Variants in BICD1 observed in about 807,000 individuals in gnomAD.
BICD1 encodes protein bicaudal D homolog 1.
BICD1 carries 35 observed loss-of-function variants against 92.5 expected under a neutral mutation model. That is an observed-to-expected ratio of 0.38 (90% CI 0.29 to 0.50). The LOEUF (loss-of-function observed/expected upper bound fraction) is 0.50, where lower values mean the gene tolerates loss of function less well. BICD1 is among the 20% of genes least tolerant of loss of function. BICD1 has a pLI of 0.93. For missense variants in BICD1, 950 were observed against 1,189.8 expected (o/e 0.80, Z 2.97); for synonymous variants, 429 against 465.1 (o/e 0.92, Z 1.00).
intron 2 of BICD1, among the ~76,000 whole-genome samples, chr12:32,220,500 C>T (rs1011812502): frequency 6.6e-5 from 10 of 151,554 alleles, no homozygotes; most frequent in Admixed American, 2.6e-4. Context: ...AAAATGCTCA[C>T]CATCACTGGC....
chr12:32,247,466 GA>G (rs1295577431), intron 2 of BICD1, among the ~76,000 whole-genome samples: 9 of 152,008 alleles, frequency 5.9e-5, no homozygotes, highest in African/African-American at 2.2e-4. Flanking sequence ...AGCAGGTAGA[GA>G]AAAGGAGAAA....
intron 2 of BICD1, among the ~76,000 whole-genome samples, chr12:32,290,219 A>G (rs564382357): frequency 4.1e-5 from 5 of 123,346 alleles, no homozygotes; most frequent in Non-Finnish European, 9.0e-5. Flanking sequence ...ATTAGTTTGT[A>G]TAGCTTCAGC....
chr12:32,309,492 C>T (rs962046558), intron 4 of BICD1, among the ~76,000 whole-genome samples: 2 of 152,302 alleles, frequency 1.3e-5, no homozygotes, highest in Non-Finnish European at 2.9e-5. Flanking sequence ...ATTAACATTT[C>T]TGCAGTGAAA....
intron 1 of BICD1, among the ~76,000 whole-genome samples, chr12:32,166,997 A>G (rs903566602): frequency 6.6e-6 from 1 of 152,236 alleles, no homozygotes; most frequent in Non-Finnish European, 1.5e-5. Context: ...CAATGTTTGC[A>G]TTGGTTATCC....
rs534541388 is a variant in BICD1 at position 32,337,427 on chromosome 12, A to C, written c.2253-72A>C. 9.1e-6 allele frequency: 13 copies of C among 1,424,012 alleles called. No homozygotes were observed. The highest frequency in any genetic ancestry group is 1.2e-5 in the Non-Finnish European group (13 of 1,040,862). 88.2% of individuals were successfully genotyped at this position (1,424,012 alleles called of 1,614,324 possible). A position where few individuals can be genotyped will look rare whatever the true frequency, so the allele number is the denominator to read the frequency against. ...TTTCTAAATTTCGGTCAAATTTATT[A>C]CTTTTCAGCTTAACTCCCAAATTCA... On this transcript the variant is annotated intron_variant, in intron 6 of 9. Coordinates refer to ENST00000652176, the MANE Select transcript of BICD1 (RefSeq NM_001714.4). This position sits in a 1 kb window ranked among gnomAD's most constrained non-coding sequence, Gnocchi z 4.7.
intron 1 of BICD1, among the ~76,000 whole-genome samples, chr12:32,161,649 G>A (rs1178437131): frequency 1.2e-4 from 19 of 152,200 alleles, no homozygotes; most frequent in Admixed American, 1.2e-3. Flanking sequence ...TGTAATGGAA[G>A]CAGGCAGAAC....
chr12:32,161,560 A>T (rs2121496871), intron 1 of BICD1, among the ~76,000 whole-genome samples: 1 of 152,346 alleles, frequency 6.6e-6, no homozygotes, highest in East Asian at 1.9e-4. Context: ...GAAGGTTAAG[A>T]TCAATAAAGT....
intron 1 of BICD1, among the ~76,000 whole-genome samples, chr12:32,180,212 G>T (rs1027149598): frequency 4.0e-5 from 6 of 151,814 alleles, no homozygotes; most frequent in Middle Eastern, 3.2e-3. Flanking sequence ...AATCAGCTCT[G>T]CGACTCCTCT....
At chr12:32,375,729 C>T (rs1188773803) in intron 9 of BICD1, among the ~76,000 whole-genome samples, 2 of 152,090 alleles carry the variant, frequency 1.3e-5, no homozygotes, top group African/African-American at 4.8e-5. Context: ...GAAAGAATAA[C>T]CTCAAGCCAG....
At chr12:32,263,260 AAG>A in intron 2 of BICD1, among the ~76,000 whole-genome samples, 1 of 152,166 alleles carries the variant, frequency 6.6e-6, no homozygotes, top group Non-Finnish European at 1.5e-5. Flanking sequence ...ATTTTAAAAT[AAG>A]AAAAGGCCAG....
intron 1 of BICD1, among the ~76,000 whole-genome samples, chr12:32,146,810 C>CCTCT (rs2121405333): frequency 1.7e-4 from 1 of 5,910 alleles, no homozygotes; most frequent in South Asian, 6.3e-3. Flanking sequence ...TTCCTCCTTT[C>CCTCT]CTCCCTCCCT....
At chr12:32,131,238 T>G (rs1243607151) in intron 1 of BICD1, among the ~76,000 whole-genome samples, 1 of 152,198 alleles carries the variant, frequency 6.6e-6, no homozygotes, top group Admixed American at 6.5e-5. Flanking sequence ...GGTTTGAACT[T>G]TGGATTTAGT....
At chr12:32,360,101 T>C (rs1165670190) in intron 8 of BICD1, among the ~76,000 whole-genome samples, 1 of 151,020 alleles carries the variant, frequency 6.6e-6, no homozygotes, top group Non-Finnish European at 1.5e-5. Context: ...AGGAGAATGG[T>C]GTGAACCCAG....
intron 2 of BICD1, among the ~76,000 whole-genome samples, chr12:32,243,287 TA>T (rs1261633139): frequency 1.7e-4 from 23 of 131,870 alleles, no homozygotes; most frequent in African/African-American, 6.0e-4. Context: ...TTTTTTTTTG[TA>T]TTTTTGGTAG....
At chr12:32,159,483 C>G (rs919324128) in intron 1 of BICD1, among the ~76,000 whole-genome samples, 4 of 152,164 alleles carry the variant, frequency 2.6e-5, no homozygotes, top group African/African-American at 9.7e-5. Flanking sequence ...TCAGGCATCA[C>G]TATAATAGCA....
At chr12:32,180,512 T>C (rs1944240471) in intron 1 of BICD1, among the ~76,000 whole-genome samples, 1 of 151,990 alleles carries the variant, frequency 6.6e-6, no homozygotes, top group Admixed American at 6.6e-5. Flanking sequence ...GTCCCTTGGC[T>C]GTCTTCATTG....
chr12:32,206,654 T>G (rs1945066438), intron 1 of BICD1, among the ~76,000 whole-genome samples: 1 of 152,170 alleles, frequency 6.6e-6, no homozygotes, highest in Non-Finnish European at 1.5e-5. Flanking sequence ...AAATGTATTT[T>G]GAAAAGTACT....
intron 1 of BICD1, among the ~76,000 whole-genome samples, chr12:32,208,702 C>A (rs1015394967): frequency 9.9e-5 from 15 of 152,222 alleles, no homozygotes; most frequent in Admixed American, 5.9e-4. Context: ...AGACTCTTTG[C>A]TGCTGGAATA....
chr12:32,367,796 G>T, intron 9 of BICD1, 51 bp downstream of exon 9: 1 of 1,524,872 alleles, frequency 6.6e-7, no homozygotes, highest in Non-Finnish European at 9.1e-7. Flanking sequence ...CAGATCCATA[G>T]ACCCCAGCTC....
Sources: gnomAD v4.1 joint callset for allele counts (sites outside exome capture counted in the v4.1 genomes callset) on GRCh38, gnomAD v4.1.1 for gene constraint, Gnocchi (gnomAD v3.1) non-coding constraint, MANE v1.5 for transcripts, NCBI Gene and HGNC (gene_info 2026-07-23, HGNC 2026-07-21) for gene names.